Variants in SDK1 observed in about 807,000 individuals in gnomAD.
SDK1 encodes sidekick cell adhesion molecule 1.
A neutral mutation model predicts 245.5 loss-of-function variants in SDK1; 157 were observed. The ratio of observed to expected loss-of-function variants is 0.64; its 90% CI spans 0.56 to 0.73. The LOEUF (loss-of-function observed/expected upper bound fraction) is 0.73, where lower values mean the gene tolerates loss of function less well. Ranked by LOEUF, SDK1 falls within the 30% of genes least tolerant of loss-of-function variation. The pLI is 0.00. For synonymous variants in SDK1, 1,647 were observed against 1,278.5 expected, an observed-to-expected ratio of 1.29 and a Z score of -6.15; for missense variants, 3,583 against 3,002.3, an observed-to-expected ratio of 1.19 and a Z score of -4.52.
intron 1 of SDK1, among the ~76,000 whole-genome samples, chr7:3,612,060 G>A (rs1209546443): frequency 1.3e-5 from 2 of 152,128 alleles, no homozygotes; most frequent in Non-Finnish European, 2.9e-5. Flanking sequence ...GGATGCCTAA[G>A]AATGATACAA....
intron 1 of SDK1, among the ~76,000 whole-genome samples, chr7:3,572,081 G>C (rs955368472): frequency 1.3e-5 from 2 of 151,990 alleles, no homozygotes; most frequent in African/African-American, 4.8e-5. Context: ...TTTAAAATAA[G>C]ACTTTTACAT....
Position 3,797,458 on chromosome 7 carries a change from TACACACACACACAC to T in SDK1, c.714-23968_714-23955del, listed in dbSNP as rs34376723. Reference sequence around the variant, plus strand: ...TGTACATGTACAAGAGGGGTGTGTATACACACACACACACACACACACACACACACACACACAGT... The same window carrying T: ...TGTACATGTACAAGAGGGGTGTGTATACACACACACACACACACACACAGT... On this transcript the variant is annotated intron_variant, in intron 4 of 44. Coordinates refer to ENST00000404826, the MANE Select transcript of SDK1 (RefSeq NM_152744.4). Among the ~76,000 whole-genome samples, 67 of 147,596 alleles carry T rather than the reference TACACACACACACAC, an allele frequency of 4.5e-4. No homozygotes were observed. In the East Asian group the frequency reaches 0.01, roughly 23 times the overall value.
In SDK1 at chr7:4,022,842, C is replaced by T. The variant is rs1053670092; in HGVS notation, c.2602+5490C>T. On this transcript the variant is annotated intron_variant, in intron 17 of 44. Transcript: ENST00000404826. ...AGGCTGGAGTGCAGTGGCGCGATCTCGGCTCACTGCAAGCTCCACCTCCTG... is the reference window on the plus strand; with the variant it reads ...AGGCTGGAGTGCAGTGGCGCGATCTTGGCTCACTGCAAGCTCCACCTCCTG... Among the ~76,000 whole-genome samples the T allele has an allele frequency of 1.9e-4, 29 of 149,964 alleles. No individual in the cohort carries two copies. The South Asian group carries it at 4.2e-3, about 22-fold the overall frequency.
rs760915112 is a variant in SDK1 at position 3,974,401 on chromosome 7, C to T, written c.1850C>T (p.Thr617Ile). ...YVWKKDNVALTPSSTSRIVVE... is the reference protein window; with the variant it reads ...YVWKKDNVALIPSSTSRIVVE... Reference sequence around the variant, plus strand: ...TGGAAGAAGGACAACGTGGCCCTGACTCCATCGAGCACGTCTAGGATCGTG... The same window carrying T: ...TGGAAGAAGGACAACGTGGCCCTGATTCCATCGAGCACGTCTAGGATCGTG... Residue 617 changes from threonine (T) to isoleucine (I), a missense_variant, in exon 13 of 45, where the codon ACT (threonine) becomes ATT (isoleucine). By Grantham distance (89) the Thr-to-Ile change is moderately conservative. Coordinates refer to ENST00000404826, the MANE Select transcript of SDK1 (RefSeq NM_152744.4). 6.2e-7 allele frequency: 1 copy of T among 1,613,970 alleles called. No individual in the cohort carries two copies. Among genetic ancestry groups the T allele is most frequent in the South Asian group, 1.1e-5 (1 of 91,032 alleles).
At chr7:3,545,838 G>A (rs1779208674) in intron 1 of SDK1, among the ~76,000 whole-genome samples, 1 of 152,220 alleles carries the variant, frequency 6.6e-6, no homozygotes, top group Non-Finnish European at 1.5e-5. Flanking sequence ...AAAGTGAAAA[G>A]AGAAAAGTAA....
chr7:4,195,705 C>G (rs1783536619), intron 35 of SDK1, among the ~76,000 whole-genome samples: 1 of 152,304 alleles, frequency 6.6e-6, no homozygotes, highest in South Asian at 2.1e-4. Context: ...ATTACTCCAC[C>G]TCCCTGGGGC....
intron 1 of SDK1, among the ~76,000 whole-genome samples, chr7:3,436,357 T>C (rs1780021570): frequency 6.6e-6 from 1 of 152,190 alleles, no homozygotes; most frequent in African/African-American, 2.4e-5. Context: ...TTCATTGAAC[T>C]TAAGCTTGTA....
At chr7:4,223,392 C>G (rs1327650778) in intron 40 of SDK1, among the ~76,000 whole-genome samples, 3 of 152,240 alleles carry the variant, frequency 2.0e-5, no homozygotes, top group Non-Finnish European at 2.9e-5. Flanking sequence ...GGTTGTCTCA[C>G]AGTTCTGGAG....
intron 41 of SDK1, among the ~76,000 whole-genome samples, chr7:4,234,756 A>G (rs73674251): frequency 0.019 from 2,927 of 152,260 alleles, 97 homozygotes; most frequent in African/African-American, 0.066. Context: ...CCCCGCGATG[A>G]TTCTATCGTG....
chr7:3,346,791 A>ATG (rs375659260), intron 1 of SDK1, among the ~76,000 whole-genome samples: 5,143 of 55,050 alleles, frequency 0.093, 332 homozygotes, highest in East Asian at 0.15. Context: ...ATATATATGT[A>ATG]TGTGTGTGTG....
At chr7:3,597,393 T>G (rs892588478) in intron 1 of SDK1, among the ~76,000 whole-genome samples, 2 of 152,058 alleles carry the variant, frequency 1.3e-5, no homozygotes, top group Non-Finnish European at 2.9e-5. Flanking sequence ...CATCACTCTT[T>G]CAGTGTCATA....
intron 1 of SDK1, among the ~76,000 whole-genome samples, chr7:3,490,907 C>G (rs1228563883): frequency 6.6e-6 from 1 of 152,216 alleles, no homozygotes; most frequent in African/African-American, 2.4e-5. Context: ...TTGCCCTCCA[C>G]AGACACAGGC....
chr7:3,668,682 T>A (rs1335537644), intron 4 of SDK1, among the ~76,000 whole-genome samples: 1 of 152,192 alleles, frequency 6.6e-6, no homozygotes, highest in Admixed American at 6.5e-5. Context: ...TCCCACCTAC[T>A]CGGGAGGCTG....
chr7:3,783,484 A>C (rs370621313), intron 4 of SDK1, among the ~76,000 whole-genome samples: 1 of 152,142 alleles, frequency 6.6e-6, no homozygotes, highest in South Asian at 2.1e-4. Context: ...CAAAAAAAAA[A>C]AACCCTGTTG....
At chr7:4,150,271 T>TGC (rs1395139539) in intron 30 of SDK1, among the ~76,000 whole-genome samples, 1 of 152,158 alleles carries the variant, frequency 6.6e-6, no homozygotes, top group African/African-American at 2.4e-5. Context: ...ACCCGCCTTG[T>TGC]GCTTCTCATT....
intron 2 of SDK1, among the ~76,000 whole-genome samples, chr7:3,629,861 GAC>G (rs1201028765): frequency 6.6e-6 from 1 of 152,124 alleles, no homozygotes; most frequent in Non-Finnish European, 1.5e-5. Flanking sequence ...AGCCAGAACT[GAC>G]ACAGTTATTA....
chr7:3,732,507 G>C (rs1779209440), intron 4 of SDK1, among the ~76,000 whole-genome samples: 1 of 152,144 alleles, frequency 6.6e-6, no homozygotes, highest in South Asian at 2.1e-4. Context: ...GTTCGGTTCG[G>C]TCTGAGCTAG....
intron 22 of SDK1, among the ~76,000 whole-genome samples, chr7:4,089,017 T>C (rs6946647): frequency 0.24 from 35,385 of 150,360 alleles, 4,645 homozygotes; most frequent in African/African-American, 0.34. Flanking sequence ...CTTGTGGGCA[T>C]CTGCACAATG....
chr7:4,225,599 C>T (rs756911654), intron 40 of SDK1, among the ~76,000 whole-genome samples: 15 of 152,200 alleles, frequency 9.9e-5, no homozygotes, highest in Admixed American at 2.0e-4. Flanking sequence ...GGGAACAGGA[C>T]GCCTGTTGGT....
Sources: gnomAD v4.1 joint callset for allele counts (sites outside exome capture counted in the v4.1 genomes callset) on GRCh38, gnomAD v4.1.1 for gene constraint, MANE v1.5 for transcripts, NCBI Gene and HGNC (gene_info 2026-07-23, HGNC 2026-07-21) for gene names.